FSTL5: variants seen among roughly 807,000 people sequenced by gnomAD.
FSTL5 encodes follistatin-related protein 5.
Under a neutral mutation model 89.1 loss-of-function variants are expected in FSTL5, and 62 were observed. The ratio of observed to expected loss-of-function variants is 0.70; its 90% CI spans 0.57 to 0.86. FSTL5 has a LOEUF of 0.86. Among genes scored for constraint, FSTL5 ranks in the 40% least tolerant of loss-of-function variants. The probability of loss-of-function intolerance (pLI) is 0.00; values close to 1 mark genes in which losing one functional copy is unlikely to be tolerated. For synonymous variants in FSTL5, 383 were observed against 346.2 expected, an observed-to-expected ratio of 1.11 and a Z score of -1.18; for missense variants, 1,057 against 1,001.6, an observed-to-expected ratio of 1.06 and a Z score of -0.75.
chr4:161,418,617 T>C (rs1215925577), intron 15 of FSTL5, among the ~76,000 whole-genome samples: 1 of 152,218 alleles, frequency 6.6e-6, no homozygotes, highest in African/African-American at 2.4e-5. Flanking sequence ...TAATACAAAA[T>C]ATTTATTATT....
chr4:161,390,945 A>G (rs1434137069), intron 15 of FSTL5, among the ~76,000 whole-genome samples: 1 of 151,340 alleles, frequency 6.6e-6, no homozygotes, highest in African/African-American at 2.4e-5. Context: ...CCATTCCTGC[A>G]TGATCTTACT....
chr4:161,789,592 GCCTT>G (rs1437526241), intron 4 of FSTL5, among the ~76,000 whole-genome samples: 1 of 152,056 alleles, frequency 6.6e-6, no homozygotes, highest in African/African-American at 2.4e-5. Flanking sequence ...GTGGCTTTTT[GCCTT>G]CTTTGAGCTG....
chr4:161,739,222 A>G (rs1469951775), intron 6 of FSTL5, among the ~76,000 whole-genome samples: 2 of 152,206 alleles, frequency 1.3e-5, no homozygotes, highest in East Asian at 3.9e-4. Flanking sequence ...TAAATTCAAT[A>G]TGAATGATTT....
chr4:161,580,432 T>A (rs1381050617), intron 8 of FSTL5, among the ~76,000 whole-genome samples: 5 of 152,278 alleles, frequency 3.3e-5, no homozygotes, highest in African/African-American at 1.2e-4. Context: ...TAGGTTCAAC[T>A]AGTTTTGATT....
chr4:161,890,523 A>G (rs1005286669), intron 4 of FSTL5, among the ~76,000 whole-genome samples: 3 of 151,962 alleles, frequency 2.0e-5, no homozygotes, highest in Non-Finnish European at 2.9e-5. Flanking sequence ...CCCCGTCTCT[A>G]CTAAAAATAC....
chr4:161,611,304 C>T (rs1025952816), intron 7 of FSTL5, among the ~76,000 whole-genome samples: 21 of 140,226 alleles, frequency 1.5e-4, no homozygotes, highest in South Asian at 2.2e-4. Context: ...TCATTTATTA[C>T]GTAAAGGACT....
At chr4:161,863,937 G>C (rs1021509953) in intron 4 of FSTL5, among the ~76,000 whole-genome samples, 1 of 152,126 alleles carries the variant, frequency 6.6e-6, no homozygotes, top group African/African-American at 2.4e-5. Flanking sequence ...TGAAAAAAAT[G>C]GTGCTTGTTT....
intron 7 of FSTL5, among the ~76,000 whole-genome samples, chr4:161,613,448 CAA>C (rs557598699): frequency 5.5e-5 from 6 of 109,528 alleles, no homozygotes; most frequent in African/African-American, 6.9e-5. Context: ...GTCTCCGTTT[CAA>C]AAAAAAAAAA....
intron 12 of FSTL5, among the ~76,000 whole-genome samples, chr4:161,491,548 G>A (rs1404317663): frequency 1.3e-5 from 2 of 151,980 alleles, no homozygotes; most frequent in African/African-American, 4.8e-5. Context: ...ACACTTAGGA[G>A]ACAGCCAACA....
intron 7 of FSTL5, among the ~76,000 whole-genome samples, chr4:161,621,258 T>C (rs879905153): frequency 5.9e-5 from 8 of 135,684 alleles, no homozygotes; most frequent in Non-Finnish European, 1.2e-4. Flanking sequence ...GATATGGGGA[T>C]GTAAAGACTA....
chr4:161,702,365 T>C (rs1377354213), intron 6 of FSTL5, among the ~76,000 whole-genome samples: 1 of 152,182 alleles, frequency 6.6e-6, no homozygotes, highest in Non-Finnish European at 1.5e-5. Flanking sequence ...TTTGAAGATA[T>C]GTCTTATAAC....
At chr4:162,015,389 C>T (rs1441031776) in intron 3 of FSTL5, among the ~76,000 whole-genome samples, 2 of 152,144 alleles carry the variant, frequency 1.3e-5, no homozygotes, top group African/African-American at 4.8e-5. Context: ...TTCCTTCAGT[C>T]ATGGAGCCAA....
intron 8 of FSTL5, among the ~76,000 whole-genome samples, chr4:161,557,867 C>T (rs1009901090): frequency 2.8e-4 from 43 of 151,672 alleles, no homozygotes; most frequent in African/African-American, 9.2e-4. Context: ...GAATCTAACA[C>T]GTGCATATGT....
chr4:162,137,783 T>G (rs1732574240), intron 1 of FSTL5, among the ~76,000 whole-genome samples: 1 of 152,210 alleles, frequency 6.6e-6, no homozygotes, highest in Non-Finnish European at 1.5e-5. Flanking sequence ...GTGTTGCTAA[T>G]TATAACTATA....
chr4:161,832,804 A>G (rs1422509299), intron 4 of FSTL5, among the ~76,000 whole-genome samples: 1 of 149,824 alleles, frequency 6.7e-6, no homozygotes, highest in Non-Finnish European at 1.5e-5. Context: ...GCGGTCTATC[A>G]ATTTTGTTGA....
At chr4:161,883,926 C>T (rs962410933) in intron 4 of FSTL5, among the ~76,000 whole-genome samples, 2 of 152,024 alleles carry the variant, frequency 1.3e-5, no homozygotes, top group African/African-American at 4.8e-5. Flanking sequence ...TTGTTTAATG[C>T]TTTTAAAAGA....
intron 6 of FSTL5, among the ~76,000 whole-genome samples, chr4:161,684,681 A>C (rs1441673908): frequency 6.6e-6 from 1 of 152,024 alleles, no homozygotes; most frequent in Non-Finnish European, 1.5e-5. Flanking sequence ...TGTAGGATGC[A>C]CAGTTTGCAA....
At chr4:162,134,576 C>T (rs975108646) in intron 1 of FSTL5, among the ~76,000 whole-genome samples, 1 of 152,172 alleles carries the variant, frequency 6.6e-6, no homozygotes, top group South Asian at 2.1e-4. Context: ...TTAAACACTA[C>T]AGTACCATTG....
intron 2 of FSTL5, among the ~76,000 whole-genome samples, chr4:162,040,008 G>A (rs1737888201): frequency 6.6e-6 from 1 of 151,912 alleles, no homozygotes; most frequent in Admixed American, 6.6e-5. Flanking sequence ...ATAGTCAATG[G>A]ATAAAAATAA....
Sources: gnomAD v4.1 joint callset for allele counts (sites outside exome capture counted in the v4.1 genomes callset) on GRCh38, gnomAD v4.1.1 for gene constraint, MANE v1.5 for transcripts, NCBI Gene and HGNC (gene_info 2026-07-23, HGNC 2026-07-21) for gene names.